Variants in ISG20 observed in about 807,000 individuals in gnomAD.
ISG20 encodes interferon stimulated exonuclease gene 20.
Under a neutral mutation model 11.1 loss-of-function variants are expected in ISG20, and 8 were observed. The ratio of observed to expected loss-of-function variants is 0.72; its 90% CI spans 0.42 to 1.30. ISG20 has a LOEUF of 1.30. ISG20 is among the 50% of genes most tolerant of loss of function. The pLI, the probability that ISG20 is intolerant of heterozygous loss-of-function variation, is 0.01. For synonymous variants in ISG20, 110 were observed against 101.7 expected, an observed-to-expected ratio of 1.08 and a Z score of -0.49; for missense variants, 243 against 250.2, an observed-to-expected ratio of 0.97 and a Z score of 0.19.
rs1057053228 is a variant in ISG20, at chr15:88,653,422, C to T, written c.429+1112C>T. Among the ~76,000 whole-genome samples, 9 of 152,094 alleles carry T rather than the reference C, an allele frequency of 5.9e-5. No homozygotes were observed. In the South Asian group the frequency reaches 6.2e-4, roughly 11 times the overall value. On this transcript the variant is annotated intron_variant, in intron 3 of 3. Coordinates refer to ENST00000306072, the MANE Select transcript of ISG20 (RefSeq NM_002201.6). ...AGGCTCGGGGAGGGGCTGGGGAGCA[C>T]GGAGCCCGCCCCTAGCCTGCTGGCA...
At chr15:88,644,705 T>C (rs1385944105) in intron 2 of ISG20, among the ~76,000 whole-genome samples, 1 of 151,410 alleles carries the variant, frequency 6.6e-6, no homozygotes, top group African/African-American at 2.4e-5. Flanking sequence ...GAAGAAGAGG[T>C]GGGAGTCTGT....
Position 88,653,064 on chromosome 15 carries a change from G to C in ISG20, c.429+754G>C, listed in dbSNP as rs2058314676. On this transcript the variant is annotated intron_variant, in intron 3 of 3. Transcript: ENST00000306072. ...GGGAAGGGCAGAGGGAGAGGCGCCA[G>C]ACACTAAGAGCCAGGGCTGTACACA... Among the ~76,000 whole-genome samples the C allele has an allele frequency of 2.6e-5, 4 of 152,246 alleles. No homozygotes were observed. The South Asian group carries it at 8.3e-4, about 32-fold the overall frequency.
At chr15:88,648,872 A>G (rs1219441062) in intron 2 of ISG20, 2 of 152,196 alleles carry the variant, frequency 1.3e-5, no homozygotes, top group East Asian at 1.9e-4. Flanking sequence ...CTTTCCAGGA[A>G]TTTGAGAGAC....
chr15:88,642,828 CT>C (rs200207417), intron 2 of ISG20, among the ~76,000 whole-genome samples: 9,373 of 152,212 alleles, frequency 0.062, 387 homozygotes, highest in Non-Finnish European at 0.093. Context: ...TGTTGCCAGG[CT>C]GGTCTCGAAT....
chr15:88,650,366 G>C lies in ISG20; in HGVS notation c.229-1744G>C. 2.6e-6 allele frequency: 4 copies of C among 1,532,996 alleles called. No individual in the cohort carries two copies. Among genetic ancestry groups the C allele is most frequent in the Non-Finnish European group, 3.5e-6 (4 of 1,145,822 alleles). 95.0% of individuals were successfully genotyped at this position (1,532,996 alleles called of 1,614,324 possible). On this transcript the variant is annotated intron_variant, in intron 2 of 3. Coordinates refer to ENST00000306072, the MANE Select transcript of ISG20 (RefSeq NM_002201.6). This position sits in a 1 kb window ranked among gnomAD's most constrained non-coding sequence, Gnocchi z 4.0. ...GGGGCTGGGGCAGTCACAGCTGGGC[G>C]CCTGGGCTGCTGGAGGCCTGGAGTG...
chr15:88,638,408 GC>G (rs1271889201), upstream of ISG20, among the ~76,000 whole-genome samples: 1 of 152,180 alleles, frequency 6.6e-6, no homozygotes, highest in African/African-American at 2.4e-5. Flanking sequence ...CTCCCCGAAG[GC>G]CTGCTTCTCC....
chr15:88,642,675 G>A (rs554768955), intron 2 of ISG20, among the ~76,000 whole-genome samples: 8 of 152,296 alleles, frequency 5.3e-5, no homozygotes, highest in East Asian at 1.9e-4. Context: ...GGAGTGTGGC[G>A]GCGCGATCTC....
In ISG20 at chr15:88,639,800, G is replaced by A. The variant is rs112083349; in HGVS notation, c.228+206G>A. ...AACCATAGACTCACATCTGGAAGCC[G>A]CCTTTGGGGCATCTATCTGGATCTG... On this transcript the variant is annotated intron_variant, in intron 2 of 3. Coordinates refer to ENST00000306072, the MANE Select transcript of ISG20 (RefSeq NM_002201.6). The surrounding 1 kb of genome is among the most constrained non-coding windows in gnomAD (Gnocchi z 4.2). 5.7e-3 allele frequency among the ~76,000 whole-genome samples: 867 copies of A among 152,312 alleles called. 6 individuals are homozygous for A. Among genetic ancestry groups the A allele is most frequent in the Non-Finnish European group, 8.6e-3 (584 of 68,016 alleles).
At chr15:88,654,369 C>T (rs1466993705) in intron 3 of ISG20, among the ~76,000 whole-genome samples, 2 of 152,206 alleles carry the variant, frequency 1.3e-5, no homozygotes, top group Non-Finnish European at 2.9e-5. Context: ...TAAAACAATA[C>T]AGCGTAATAA....
Position 88,650,476 on chromosome 15 carries a change from A to C in ISG20, c.229-1634A>C. 1 of 1,437,234 alleles carries C rather than the reference A, an allele frequency of 7.0e-7. No homozygotes were observed. The allele number at this position is 1,437,234 out of a possible 1,614,324, so 89.0% of individuals were successfully genotyped here. A position where few individuals can be genotyped will look rare whatever the true frequency, so the allele number is the denominator to read the frequency against. On this transcript the variant is annotated intron_variant, in intron 2 of 3. Coordinates refer to ENST00000306072, the MANE Select transcript of ISG20 (RefSeq NM_002201.6). This position sits in a 1 kb window ranked among gnomAD's most constrained non-coding sequence, Gnocchi z 4.0. The stretch of plus-strand genomic sequence containing the variant: ...GGCTTCAAGGCCTGGCTTTGCCACT[A>C]ACTAGCCGTGTGACTGTCCCAGTTA...
At chr15:88,640,885 G>T (rs2058069121) in intron 2 of ISG20, among the ~76,000 whole-genome samples, 1 of 150,998 alleles carries the variant, frequency 6.6e-6, no homozygotes, top group African/African-American at 2.4e-5. Flanking sequence ...CTTGAGCTCA[G>T]AAGGTCAAGG....
At chr15:88,653,356 G>A (rs997504516) in intron 3 of ISG20, among the ~76,000 whole-genome samples, 13 of 152,144 alleles carry the variant, frequency 8.5e-5, no homozygotes, top group African/African-American at 2.9e-4. Flanking sequence ...AAGGAGGGCA[G>A]AAGAAGGCAT....
At chr15:88,640,431 A>C (rs1281496492) in intron 2 of ISG20, among the ~76,000 whole-genome samples, 4 of 152,172 alleles carry the variant, frequency 2.6e-5, no homozygotes, top group African/African-American at 7.2e-5. Context: ...TCCTGAGCTC[A>C]TTCACTCCTC....
upstream of ISG20, among the ~76,000 whole-genome samples, chr15:88,637,125 A>G (rs2057996579): frequency 6.6e-6 from 1 of 152,206 alleles, no homozygotes; most frequent in Non-Finnish European, 1.5e-5. Flanking sequence ...CCCTCTGGCC[A>G]TCAGACCTAG....
chr15:88,639,738 T>A lies in ISG20; in HGVS notation c.228+144T>A. 1.5e-6 allele frequency: 1 copy of A among 656,092 alleles called. No individual in the cohort carries two copies. The highest frequency in any genetic ancestry group is 1.9e-5 in the South Asian group (1 of 53,444). 40.6% of individuals were successfully genotyped at this position (656,092 alleles called of 1,614,324 possible). ...CTGTTGGGAGAAAGCCGGTGGTGTC[T>A]CCATCACATCCTGGAGAAGGCTTCC... On this transcript the variant is annotated intron_variant, in intron 2 of 3. Transcript: ENST00000306072. This position sits in a 1 kb window ranked among gnomAD's most constrained non-coding sequence, Gnocchi z 4.2.
chr15:88,638,343 A>G (rs892711970), upstream of ISG20, among the ~76,000 whole-genome samples: 7 of 152,238 alleles, frequency 4.6e-5, no homozygotes, highest in East Asian at 1.9e-4. Context: ...TAAGAGCTCA[A>G]AGTCCTAGCC....
intron 2 of ISG20, among the ~76,000 whole-genome samples, chr15:88,640,355 GACA>G (rs891091875): frequency 2.6e-5 from 4 of 152,136 alleles, no homozygotes; most frequent in African/African-American, 7.2e-5. Flanking sequence ...GGGATGAAAT[GACA>G]ACAATAGCTA....
At chr15:88,649,837 G>A (rs1218579496) in intron 2 of ISG20, 9 of 226,596 alleles carry the variant, frequency 4.0e-5, no homozygotes, top group South Asian at 1.9e-4. Context: ...TAAGTCGAGC[G>A]TGAGCTCTGT....
At chr15:88,644,388 C>T (rs1399782927) in intron 2 of ISG20, among the ~76,000 whole-genome samples, 1 of 151,948 alleles carries the variant, frequency 6.6e-6, no homozygotes, top group Non-Finnish European at 1.5e-5. Flanking sequence ...ACAAAATTAG[C>T]TGGGCATGGT....
Sources: allele counts gnomAD v4.1 joint callset (sites outside exome capture counted in the v4.1 genomes callset), GRCh38; gene constraint gnomAD v4.1.1; non-coding constraint Gnocchi (gnomAD v3.1); transcripts MANE v1.5; gene names NCBI Gene and HGNC (gene_info 2026-07-23, HGNC 2026-07-21).